INSYN2A: variants seen among roughly 807,000 people sequenced by gnomAD.
INSYN2A encodes the protein inhibitory synaptic factor 2A.
INSYN2A carries 17 observed loss-of-function variants against 39.4 expected under a neutral mutation model. The ratio of observed to expected loss-of-function variants is 0.43; its 90% confidence interval spans 0.30 to 0.65. The LOEUF is 0.65. Among genes scored for constraint, INSYN2A ranks in the 30% least tolerant of loss-of-function variants. The pLI is 0.14. For missense variants in INSYN2A, 595 were observed against 631.2 expected, an observed-to-expected ratio of 0.94 and a Z score of 0.61; for synonymous variants, 255 against 265.7, an observed-to-expected ratio of 0.96 and a Z score of 0.39.
At chr10:127,171,425 C>G (rs905987380) in intron 4 of INSYN2A, among the ~76,000 whole-genome samples, 1 of 152,160 alleles carries the variant, frequency 6.6e-6, no homozygotes, top group Non-Finnish European at 1.5e-5. Context: ...TACTGGCTTC[C>G]CAAGGAGCAG....
intron 5 of INSYN2A, among the ~76,000 whole-genome samples, chr10:127,141,671 T>C (rs1490282541): frequency 6.7e-6 from 1 of 149,002 alleles, no homozygotes; most frequent in East Asian, 2.0e-4. Flanking sequence ...ACTTTGTCTT[T>C]AAAACAAAAA....
At chr10:127,170,892 C>T (rs934826180) in intron 4 of INSYN2A, among the ~76,000 whole-genome samples, 4 of 152,182 alleles carry the variant, frequency 2.6e-5, no homozygotes, top group African/African-American at 9.7e-5. Flanking sequence ...GCCCGCACTG[C>T]ATAAAGCAGA....
chr10:127,190,855 G>C (rs534849209), intron 2 of INSYN2A, among the ~76,000 whole-genome samples: 2 of 151,912 alleles, frequency 1.3e-5, no homozygotes, highest in East Asian at 3.9e-4. Context: ...TACTGAGACT[G>C]GCACATTCTC....
At position 127,155,108 on chromosome 10, in the gene INSYN2A, G is replaced by A. The variant is rs148165096; in HGVS notation, c.1185-1185C>T. 3.0e-3 allele frequency among the ~76,000 whole-genome samples: 451 copies of A among 152,282 alleles called. 3 individuals carry two copies. The highest frequency in any genetic ancestry group is 0.01 in the African/African-American group (429 of 41,562). On this transcript the variant is annotated intron_variant, in intron 4 of 5. Coordinates refer to ENST00000522781, the MANE Select transcript of INSYN2A (RefSeq NM_001039762.3). ...AAACACTCTGGGGGCAAATTTCCACGTACAGAGCTACTCACCAGAGTAACA... is the reference window on the plus strand; with the variant it reads ...AAACACTCTGGGGGCAAATTTCCACATACAGAGCTACTCACCAGAGTAACA...
chr10:127,185,484 C>T (rs1279486997), intron 2 of INSYN2A, among the ~76,000 whole-genome samples: 2 of 152,216 alleles, frequency 1.3e-5, no homozygotes, highest in Admixed American at 6.5e-5. Flanking sequence ...CGAGATTGCA[C>T]CACTGCACTC....
At chr10:127,186,029 A>G (rs1272162936) in intron 2 of INSYN2A, among the ~76,000 whole-genome samples, 1 of 152,214 alleles carries the variant, frequency 6.6e-6, no homozygotes, top group African/African-American at 2.4e-5. Flanking sequence ...AAAAATCTCA[A>G]TAGCTTGGAA....
chr10:127,173,524 T>C (rs1219799434), intron 4 of INSYN2A, among the ~76,000 whole-genome samples: 1 of 152,182 alleles, frequency 6.6e-6, no homozygotes, highest in Non-Finnish European at 1.5e-5. Flanking sequence ...AGGTTCTTCT[T>C]TGGGCACACA....
intron 4 of INSYN2A, among the ~76,000 whole-genome samples, chr10:127,171,436 G>A (rs1320565552): frequency 3.3e-5 from 5 of 152,322 alleles, no homozygotes; most frequent in African/African-American, 7.2e-5. Flanking sequence ...CAAGGAGCAG[G>A]CCCATGACCC....
Position 127,175,684 on chromosome 10 carries a change from C to T in INSYN2A, c.712G>A (p.Glu238Lys), listed in dbSNP as rs745852102. Residue 238 changes from glutamate to lysine, a missense_variant, in exon 4 of 6, where the codon GAG becomes AAG. Physicochemically the swap from Glu to Lys is moderately conservative, Grantham distance 56 (BLOSUM62 1). This residue lies in a region of INSYN2A where 478 missense variants were observed against 467.4 expected (regional missense o/e 1.02). Transcript: ENST00000522781. This position sits in a 1 kb window ranked among gnomAD's most constrained non-coding sequence, Gnocchi z 6.3. The stretch of plus-strand genomic sequence containing the variant: ...CTGAGGGCAGGTGGAGCGGGCTCCT[C>T]GGAGTTTGGCCTCCCCCGGTCCTGC... ...AKQDRGRPNS[E>K]EPAPPALRRV... 2.0e-5 allele frequency: 33 copies of T among 1,613,624 alleles called. No individual in the cohort carries two copies. In the South Asian group the frequency reaches 2.3e-4, roughly 11 times the overall value.
chr10:127,188,582 T>G (rs2056483380), intron 2 of INSYN2A, among the ~76,000 whole-genome samples: 1 of 152,164 alleles, frequency 6.6e-6, no homozygotes, highest in Non-Finnish European at 1.5e-5. Context: ...GGTCTTCCCA[T>G]GCTACCATGG....
chr10:127,165,379 T>C (rs1037034579), intron 4 of INSYN2A, among the ~76,000 whole-genome samples: 2 of 152,158 alleles, frequency 1.3e-5, no homozygotes, highest in Non-Finnish European at 2.9e-5. Context: ...AATCTTGAAA[T>C]TTTGGTGTGA....
intron 5 of INSYN2A, among the ~76,000 whole-genome samples, chr10:127,149,334 C>CT (rs1446433277): frequency 6.6e-6 from 1 of 152,174 alleles, no homozygotes; most frequent in East Asian, 1.9e-4. Flanking sequence ...TGTTTCTCAC[C>CT]TTTCGCTTGT....
At chr10:127,151,713 G>A (rs567656101) in intron 5 of INSYN2A, among the ~76,000 whole-genome samples, 1 of 152,160 alleles carries the variant, frequency 6.6e-6, no homozygotes, top group African/African-American at 2.4e-5. Flanking sequence ...TAACCAGAGC[G>A]ATCACAGTGC....
Position 127,154,354 on chromosome 10 carries a change from C to T in INSYN2A, c.1185-431G>A, listed in dbSNP as rs374094094. Among the ~76,000 whole-genome samples the T allele has an allele frequency of 4.1e-4, 62 of 152,304 alleles. 1 individual carries two copies. The South Asian group carries it at 0.012, about 30-fold the overall frequency. ...AAAGTGCGGCCTGCAGGCCAAATCC[C>T]GCCGGGGCCTGGTTTTGTCCAGCAA... On this transcript the variant is annotated intron_variant, in intron 4 of 5. Transcript: ENST00000522781.
At chr10:127,177,935 G>A (rs564829071) in intron 2 of INSYN2A, among the ~76,000 whole-genome samples, 1 of 152,316 alleles carries the variant, frequency 6.6e-6, no homozygotes, top group Non-Finnish European at 1.5e-5. Context: ...AATAAGCAGC[G>A]CAGGCAGGAG....
intron 1 of INSYN2A, among the ~76,000 whole-genome samples, chr10:127,193,476 T>C (rs1289411723): frequency 2.0e-5 from 3 of 152,186 alleles, no homozygotes; most frequent in Non-Finnish European, 4.4e-5. Flanking sequence ...GCTGTGATCA[T>C]TTCTGTATCA....
intron 2 of INSYN2A, among the ~76,000 whole-genome samples, chr10:127,180,548 C>T (rs982448743): frequency 6.6e-6 from 1 of 152,104 alleles, no homozygotes; most frequent in Non-Finnish European, 1.5e-5. Flanking sequence ...TCTTAATTAC[C>T]CTCAAATTAA....
At chr10:127,172,147 A>G (rs2483847) in intron 4 of INSYN2A, among the ~76,000 whole-genome samples, 75,540 of 152,056 alleles carry the variant, frequency 0.5, 20,553 homozygotes, top group East Asian at 0.75. Flanking sequence ...TAAAATACCA[A>G]CTTCCCAGTT....
At chr10:127,171,714 A>AT (rs938040354) in intron 4 of INSYN2A, among the ~76,000 whole-genome samples, 98 of 151,958 alleles carry the variant, frequency 6.4e-4, no homozygotes, top group Admixed American at 2.1e-3. Flanking sequence ...TTTTATTTTT[A>AT]TTTTTTTGAG....
Sources: allele counts gnomAD v4.1 joint callset (sites outside exome capture counted in the v4.1 genomes callset), GRCh38; gene constraint gnomAD v4.1.1; regional missense constraint gnomAD v4.1.1; non-coding constraint Gnocchi (gnomAD v3.1); transcripts MANE v1.5; gene names NCBI Gene and HGNC (gene_info 2026-07-23, HGNC 2026-07-21).